DLGAP1: variants seen among roughly 807,000 people sequenced by gnomAD.
The protein encoded by DLGAP1 is DLG associated protein 1.
DLGAP1 carries 11 observed loss-of-function variants against 90.8 expected under a neutral mutation model. The observed-to-expected ratio is 0.12, with a 90% CI of 0.08 to 0.20. The LOEUF is 0.20. Ranked by LOEUF, DLGAP1 falls within the 10% of genes least tolerant of loss-of-function variation. The probability of loss-of-function intolerance (pLI) is 1.00; values close to 1 mark genes in which losing one functional copy is unlikely to be tolerated. For missense variants in DLGAP1, 1,050 were observed against 1,333.8 expected, an observed-to-expected ratio of 0.79 and a Z score of 3.31; for synonymous variants, 558 against 540.7, an observed-to-expected ratio of 1.03 and a Z score of -0.44.
intron 1 of DLGAP1, among the ~76,000 whole-genome samples, chr18:4,157,149 C>T (rs905843481): frequency 6.6e-6 from 1 of 151,574 alleles, no homozygotes; most frequent in Non-Finnish European, 1.5e-5. Flanking sequence ...TGGGACCGGG[C>T]CGTCAGCTCA....
At position 3,780,387 on chromosome 18, in the gene DLGAP1, C is replaced by T. The variant is rs1425032745; in HGVS notation, c.1172+33672G>A. 7.9e-5 allele frequency among the ~76,000 whole-genome samples: 12 copies of T among 152,216 alleles called. 1 individual carries two copies. Among genetic ancestry groups the T allele is most frequent in the Admixed American group, 3.3e-4 (5 of 15,294 alleles). ...GGCTGAAATCAAGGTGTCAACAGTG[C>T]GGTGTCCCTTTCTGCAGGTTCTAGG... On this transcript the variant is annotated intron_variant, in intron 5 of 12. Transcript: ENST00000315677.
intron 4 of DLGAP1, among the ~76,000 whole-genome samples, chr18:3,843,855 C>G (rs924179444): frequency 1.3e-5 from 2 of 152,132 alleles, no homozygotes; most frequent in Non-Finnish European, 2.9e-5. Context: ...TAGTAAATTA[C>G]AGGCATTTCA....
chr18:3,701,953 G>A (rs1003240319), intron 7 of DLGAP1, among the ~76,000 whole-genome samples: 5 of 152,178 alleles, frequency 3.3e-5, no homozygotes, highest in Non-Finnish European at 7.4e-5. Context: ...GATTTCAAAT[G>A]TGTGCCAAGA....
chr18:4,179,286 C>T (rs1422179420), intron 1 of DLGAP1, among the ~76,000 whole-genome samples: 2 of 152,062 alleles, frequency 1.3e-5, no homozygotes, highest in Non-Finnish European at 2.9e-5. Context: ...TCTGAGGGTG[C>T]CCTGCATTCT....
chr18:4,429,656 C>G (rs1402765317), intron 1 of DLGAP1, among the ~76,000 whole-genome samples: 1 of 152,070 alleles, frequency 6.6e-6, no homozygotes, highest in African/African-American at 2.4e-5. Flanking sequence ...TACCACGTAG[C>G]AAAACAGCTG....
At chr18:3,570,237 A>T (rs1021121295) in intron 8 of DLGAP1, among the ~76,000 whole-genome samples, 4 of 151,652 alleles carry the variant, frequency 2.6e-5, no homozygotes, top group Non-Finnish European at 5.9e-5. Context: ...TTTCTGGCCT[A>T]TTGATCTGCT....
At chr18:3,792,458 G>A (rs1443984096) in intron 5 of DLGAP1, among the ~76,000 whole-genome samples, 1 of 148,812 alleles carries the variant, frequency 6.7e-6, no homozygotes, top group African/African-American at 2.6e-5. Context: ...GCACTCCAGC[G>A]AGACTCCATC....
intron 2 of DLGAP1, among the ~76,000 whole-genome samples, chr18:4,098,492 G>T (rs1397704446): frequency 6.6e-6 from 1 of 152,178 alleles, no homozygotes; most frequent in Non-Finnish European, 1.5e-5. Context: ...ATTAGGATTG[G>T]AGAACAGCTG....
chr18:3,795,244 A>AT (rs1198214465), intron 5 of DLGAP1, among the ~76,000 whole-genome samples: 1 of 152,074 alleles, frequency 6.6e-6, no homozygotes, highest in Non-Finnish European at 1.5e-5. Context: ...AGACACAGAG[A>AT]TTTTCTTATT....
At chr18:4,117,430 G>A (rs1477536320) in intron 2 of DLGAP1, among the ~76,000 whole-genome samples, 1 of 152,144 alleles carries the variant, frequency 6.6e-6, no homozygotes, top group African/African-American at 2.4e-5. Flanking sequence ...CACCCCAGGG[G>A]GTTGATGTTG....
chr18:3,960,786 C>T (rs1168943105), intron 3 of DLGAP1, among the ~76,000 whole-genome samples: 1 of 152,174 alleles, frequency 6.6e-6, no homozygotes, highest in Non-Finnish European at 1.5e-5. Flanking sequence ...GGTGCCTGCT[C>T]CCCAGCCAGG....
chr18:4,150,541 C>A (rs973753774), intron 2 of DLGAP1, among the ~76,000 whole-genome samples: 2 of 152,152 alleles, frequency 1.3e-5, no homozygotes, highest in African/African-American at 4.8e-5. Context: ...CAGGCACCTG[C>A]CACTGCCTCA....
intron 7 of DLGAP1, among the ~76,000 whole-genome samples, chr18:3,702,124 T>C (rs2061300266): frequency 6.6e-6 from 1 of 152,182 alleles, no homozygotes; most frequent in Admixed American, 6.5e-5. Flanking sequence ...CAATCTCGGC[T>C]CAATGCAACC....
chr18:3,772,269 TCCTTCCTTTCTCTCCTTTTCTC>T (rs1568107591), intron 5 of DLGAP1, among the ~76,000 whole-genome samples: 2 of 151,076 alleles, frequency 1.3e-5, no homozygotes, highest in Non-Finnish European at 1.5e-5. Flanking sequence ...TTTCTCTCTT[TCCTTCCTTTCTCTCCTTTTCTC>T]CTTTTCTTTC....
At chr18:3,765,802 C>T (rs2064216863) in intron 5 of DLGAP1, among the ~76,000 whole-genome samples, 1 of 151,930 alleles carries the variant, frequency 6.6e-6, no homozygotes, top group African/African-American at 2.4e-5. Context: ...CCTTTGCACT[C>T]CAGCCTGGGC....
At chr18:4,214,274 A>C (rs2077906032) in intron 1 of DLGAP1, among the ~76,000 whole-genome samples, 1 of 151,852 alleles carries the variant, frequency 6.6e-6, no homozygotes. Flanking sequence ...TGGATTACAG[A>C]CTGATCAGGG....
intron 3 of DLGAP1, among the ~76,000 whole-genome samples, chr18:3,960,387 G>A (rs1208587936): frequency 3.3e-5 from 5 of 151,974 alleles, no homozygotes; most frequent in Admixed American, 3.3e-4. Flanking sequence ...TGCCTCTCCT[G>A]GAGGGCTTCT....
At chr18:3,708,252 C>T (rs2147195564) in intron 7 of DLGAP1, 3 of 362,786 alleles carry the variant, frequency 8.3e-6, no homozygotes, top group South Asian at 4.1e-5. Flanking sequence ...AGTGATCCAC[C>T]TGCCTCAGCC....
intron 3 of DLGAP1, among the ~76,000 whole-genome samples, chr18:3,950,510 G>A (rs2072964724): frequency 6.6e-6 from 1 of 152,214 alleles, no homozygotes; most frequent in Non-Finnish European, 1.5e-5. Context: ...AGCCTCCTGA[G>A]GGCAAGGACT....
Sources: gnomAD v4.1 joint callset for allele counts (sites outside exome capture counted in the v4.1 genomes callset) on GRCh38, gnomAD v4.1.1 for gene constraint, MANE v1.5 for transcripts, NCBI Gene and HGNC (gene_info 2026-07-23, HGNC 2026-07-21) for gene names.